Variants in GRIA1 observed in about 807,000 individuals in gnomAD.
GRIA1 encodes glutamate ionotropic receptor AMPA type subunit 1.
Under a neutral mutation model 99.2 loss-of-function variants are expected in GRIA1, and 31 were observed. The ratio of observed to expected loss-of-function variants is 0.31; its 90% CI spans 0.23 to 0.42. The LOEUF is 0.42. GRIA1 is among the 10% of genes least tolerant of loss of function. GRIA1 has a pLI of 1.00. For synonymous variants in GRIA1, 438 were observed against 432.4 expected, an observed-to-expected ratio of 1.01 and a Z score of -0.16; for missense variants, 782 against 1,157.5, an observed-to-expected ratio of 0.68 and a Z score of 4.71.
chr5:153,564,989 C>T (rs900781126), intron 2 of GRIA1, among the ~76,000 whole-genome samples: 34 of 152,130 alleles, frequency 2.2e-4, no homozygotes, highest in African/African-American at 7.2e-4. Context: ...AGAATTTTTA[C>T]AAGTGTAATT....
intron 2 of GRIA1, among the ~76,000 whole-genome samples, chr5:153,641,513 A>T (rs1753777075): frequency 6.6e-6 from 1 of 152,092 alleles, no homozygotes; most frequent in Non-Finnish European, 1.5e-5. Context: ...CTTCCCCAAG[A>T]GGGAATTCCT....
chr5:153,507,458 AT>A (rs1408280471), intron 2 of GRIA1, among the ~76,000 whole-genome samples: 2 of 152,106 alleles, frequency 1.3e-5, no homozygotes, highest in Non-Finnish European at 2.9e-5. Context: ...AGTTCAACAT[AT>A]CAAAACCAGA....
chr5:153,755,625 C>T (rs549627448), intron 11 of GRIA1: 14 of 152,230 alleles, frequency 9.2e-5, no homozygotes, highest in African/African-American at 2.9e-4. Context: ...CATGGGATCG[C>T]GCCTGTAAAT....
intron 8 of GRIA1, among the ~76,000 whole-genome samples, chr5:153,689,069 C>T (rs1757553738): frequency 1.3e-5 from 2 of 151,726 alleles, no homozygotes; most frequent in South Asian, 4.2e-4. Context: ...CGCTCTCTTG[C>T]CCAGGCTGGA....
Position 153,811,114 on chromosome 5 carries a change from C to G in GRIA1, c.2610C>G (p.Gly870=), listed in dbSNP as rs779444179. 1.9e-6 allele frequency: 3 copies of G among 1,613,960 alleles called. No individual in the cohort carries two copies. The Admixed American group carries it at 5.0e-5, about 27-fold the overall frequency. Residue 870 remains glycine (G), a synonymous_variant, in exon 16 of 16, where the codon GGC becomes GGG. Coordinates refer to ENST00000285900, the MANE Select transcript of GRIA1 (RefSeq NM_000827.4). ...PRNSGAGASS[G]GSGENGRVVS... ...ACAGCGGGGCAGGAGCCAGCAGCGG[C>G]GGCAGTGGAGAGAATGGTCGGGTGG... is the stretch of plus-strand genomic sequence containing the variant.
At chr5:153,759,062 A>G (rs781072571) in intron 11 of GRIA1, among the ~76,000 whole-genome samples, 2 of 151,822 alleles carry the variant, frequency 1.3e-5, no homozygotes, top group Non-Finnish European at 3.0e-5. Flanking sequence ...AACATGACAT[A>G]TGAAAACCTA....
At chr5:153,789,150 G>A (rs1353564117) in intron 13 of GRIA1, among the ~76,000 whole-genome samples, 1 of 151,980 alleles carries the variant, frequency 6.6e-6, no homozygotes, top group Non-Finnish European at 1.5e-5. Flanking sequence ...TGGCTCCAGA[G>A]GTATCCACAT....
intron 13 of GRIA1, among the ~76,000 whole-genome samples, chr5:153,771,787 C>T (rs1763899368): frequency 6.6e-6 from 1 of 152,086 alleles, no homozygotes; most frequent in African/African-American, 2.4e-5. Context: ...GCTTATTATT[C>T]TGGGACTACG....
At chr5:153,764,962 A>G (rs981912955) in intron 12 of GRIA1, among the ~76,000 whole-genome samples, 5 of 152,244 alleles carry the variant, frequency 3.3e-5, no homozygotes, top group Non-Finnish European at 7.3e-5. Flanking sequence ...TTAGTAATCA[A>G]TTAGGAACAG....
chr5:153,721,667 C>T (rs1180963876), intron 11 of GRIA1, among the ~76,000 whole-genome samples: 2 of 152,066 alleles, frequency 1.3e-5, no homozygotes, highest in East Asian at 1.9e-4. Context: ...ATATTGTGAC[C>T]TTCATCCATG....
At position 153,813,817 on chromosome 5, in the gene GRIA1, T is replaced by C. The variant is rs1480704053; in HGVS notation, c.*2592T>C. 6.6e-6 allele frequency: 1 copy of C among 152,250 alleles called. No homozygotes were observed. The highest frequency in any genetic ancestry group is 6.5e-5 in the Admixed American group (1 of 15,284). The allele number at this position is 152,250 out of a possible 1,614,324, so 9.4% of individuals were successfully genotyped here. A position where few individuals can be genotyped will look rare whatever the true frequency, so the allele number is the denominator to read the frequency against. On this transcript the variant is annotated 3_prime_UTR_variant, in exon 16 of 16. Coordinates refer to ENST00000285900, the MANE Select transcript of GRIA1 (RefSeq NM_000827.4). ...AAATAGCCAGGTTTTTTTCTTTTGG[T>C]ATTTGCATAAAATGAAAATATCACC... is the stretch of plus-strand genomic sequence containing the variant.
chr5:153,791,686 C>T (rs991890319), intron 13 of GRIA1, among the ~76,000 whole-genome samples: 10 of 152,056 alleles, frequency 6.6e-5, no homozygotes, highest in Non-Finnish European at 1.2e-4. Flanking sequence ...AAATAAAGCA[C>T]GTAAAGTGCT....
At chr5:153,677,227 A>G in intron 7 of GRIA1, 66 bp downstream of exon 7, 2 of 1,263,562 alleles carry the variant, frequency 1.6e-6, no homozygotes, top group Non-Finnish European at 2.1e-6. Flanking sequence ...TCAAATTCCA[A>G]TAAAACACAG....
Position 153,808,359 on chromosome 5 carries a change from C to A in GRIA1, c.2521-2666C>A, listed in dbSNP as rs1339495556. On this transcript the variant is annotated intron_variant, in intron 15 of 15. Coordinates refer to ENST00000285900, the MANE Select transcript of GRIA1 (RefSeq NM_000827.4). ...CCAAAGGCTAGGGGAGAAGTGACAG[C>A]AGTTTATGACAGTTTAGCCACGACG... Among the ~76,000 whole-genome samples the A allele has an allele frequency of 2.0e-5, 3 of 151,562 alleles. No individual in the cohort carries two copies. The East Asian group carries it at 5.8e-4, about 29-fold the overall frequency.
chr5:153,650,896 TAAAAA>T (rs71575151), intron 4 of GRIA1, among the ~76,000 whole-genome samples: 4 of 70,130 alleles, frequency 5.7e-5, no homozygotes, highest in African/African-American at 9.5e-5. Context: ...CTGTCTCCAC[TAAAAA>T]AAAAAAAAAA....
chr5:153,696,274 G>A (rs1034868859), intron 8 of GRIA1, among the ~76,000 whole-genome samples: 3 of 152,188 alleles, frequency 2.0e-5, no homozygotes, highest in African/African-American at 7.2e-5. Flanking sequence ...AACATAAAAA[G>A]CACTTTAAAA....
Position 153,650,492 on chromosome 5 carries a change from G to T in GRIA1, c.623G>T (p.Arg208Leu), listed in dbSNP as rs148008926. Residue 208 changes from arginine (R) to leucine (L), a missense_variant, in exon 4 of 16, where the codon CGC becomes CTC. Coordinates refer to ENST00000285900, the MANE Select transcript of GRIA1 (RefSeq NM_000827.4). ...RLVVVDCESE[R>L]LNAILGQIIK... Reference sequence around the variant, plus strand: ...GTGGTGGTGGACTGTGAATCAGAACGCCTCAATGCTATCTTGGGCCAGGTA... The same window carrying T: ...GTGGTGGTGGACTGTGAATCAGAACTCCTCAATGCTATCTTGGGCCAGGTA... 1.2e-6 allele frequency: 2 copies of T among 1,613,778 alleles called. No individual in the cohort carries two copies. Among genetic ancestry groups the T allele is most frequent in the Non-Finnish European group, 1.7e-6 (2 of 1,179,848 alleles).
chr5:153,609,117 T>C (rs1043695889), intron 2 of GRIA1, among the ~76,000 whole-genome samples: 3 of 152,208 alleles, frequency 2.0e-5, no homozygotes, highest in African/African-American at 7.2e-5. Context: ...CATCTTTCTA[T>C]TTCTGGCAAG....
chr5:153,800,473 T>C (rs1251032413), intron 14 of GRIA1, among the ~76,000 whole-genome samples: 1 of 152,246 alleles, frequency 6.6e-6, no homozygotes, highest in Non-Finnish European at 1.5e-5. Context: ...TTTTTGCACA[T>C]TACCCTTATC....
Sources: gnomAD v4.1 joint callset for allele counts (sites outside exome capture counted in the v4.1 genomes callset) on GRCh38, gnomAD v4.1.1 for gene constraint, MANE v1.5 for transcripts, NCBI Gene and HGNC (gene_info 2026-07-23, HGNC 2026-07-21) for gene names.